Variants in TMEM131L observed in about 807,000 individuals in gnomAD.
The protein encoded by TMEM131L is transmembrane 131 like, also known as transmembrane protein 131-like.
In TMEM131L, 54 loss-of-function variants were observed where a neutral mutation model predicts 192.2. The observed-to-expected ratio is 0.28, with a 90% CI of 0.23 to 0.35. The LOEUF (loss-of-function observed/expected upper bound fraction) is 0.35. Among genes scored for constraint, TMEM131L ranks in the 10% least tolerant of loss-of-function variants. The pLI, the probability that TMEM131L is intolerant of heterozygous loss-of-function variation, is 1.00. For missense variants in TMEM131L, 1,888 were observed against 1,972.9 expected, an observed-to-expected ratio of 0.96 and a Z score of 0.82; for synonymous variants, 701 against 704.9, an observed-to-expected ratio of 0.99 and a Z score of 0.09.
At chr4:153,556,128 G>C (rs1407787547) in intron 5 of TMEM131L, among the ~76,000 whole-genome samples, 2 of 151,594 alleles carry the variant, frequency 1.3e-5, no homozygotes, top group Admixed American at 6.6e-5. Flanking sequence ...GGGGGAGGTG[G>C]GGGGTTGGGG....
intron 25 of TMEM131L, among the ~76,000 whole-genome samples, chr4:153,605,376 T>G (rs1421835194): frequency 6.6e-6 from 1 of 152,256 alleles, no homozygotes; most frequent in African/African-American, 2.4e-5. Context: ...AGATTTGTTT[T>G]ATTTTGTTTG....
intron 7 of TMEM131L, among the ~76,000 whole-genome samples, chr4:153,569,360 TG>T (rs765055864): frequency 6.6e-6 from 1 of 152,178 alleles, no homozygotes; most frequent in Non-Finnish European, 1.5e-5. Flanking sequence ...CTGTTGAGTT[TG>T]CCCCTAGACA....
intron 3 of TMEM131L, among the ~76,000 whole-genome samples, chr4:153,546,404 A>G (rs1737179009): frequency 6.6e-6 from 1 of 152,170 alleles, no homozygotes; most frequent in South Asian, 2.1e-4. Context: ...AGGGTGAAAT[A>G]TGAGAAGGGT....
Position 153,634,180 on chromosome 4 carries a change from T to C in TMEM131L, c.4329-12T>C, listed in dbSNP as rs1734411460. 1 of 1,612,520 alleles carries C rather than the reference T, an allele frequency of 6.2e-7. No individual in the cohort carries two copies. Among genetic ancestry groups the C allele is most frequent in the Non-Finnish European group, 8.5e-7 (1 of 1,178,494 alleles). On this transcript the variant is annotated splice_polypyrimidine_tract_variant and intron_variant, in intron 32 of 34. Coordinates refer to ENST00000409959, the MANE Select transcript of TMEM131L (RefSeq NM_001131007.2). Reference sequence around the variant, plus strand: ...TCCTGTTTCTGATTAGACCACTTGTTTTTTGTGGCAGTTTCATTGATTGGA... The same window carrying C: ...TCCTGTTTCTGATTAGACCACTTGTCTTTTGTGGCAGTTTCATTGATTGGA...
chr4:153,602,761 G>A (rs1157820779), intron 23 of TMEM131L, 34 bp downstream of exon 23: 1 of 1,587,242 alleles, frequency 6.3e-7, no homozygotes, highest in East Asian at 2.2e-5. Flanking sequence ...TTCTCTCACT[G>A]AGTAGAGAAG....
intron 3 of TMEM131L, among the ~76,000 whole-genome samples, chr4:153,541,846 T>C (rs1736804617): frequency 6.6e-6 from 1 of 152,192 alleles, no homozygotes; most frequent in African/African-American, 2.4e-5. Flanking sequence ...CCCCACCCCA[T>C]CACTTACCCT....
At chr4:153,499,725 C>G (rs1297949229) in intron 3 of TMEM131L, among the ~76,000 whole-genome samples, 1 of 152,158 alleles carries the variant, frequency 6.6e-6, no homozygotes, top group Admixed American at 6.5e-5. Flanking sequence ...GTGCCCAGCC[C>G]CTTATGACAT....
At chr4:153,480,477 G>A (rs777023334) in intron 3 of TMEM131L, among the ~76,000 whole-genome samples, 7 of 133,474 alleles carry the variant, frequency 5.2e-5, no homozygotes, top group African/African-American at 2.0e-4. Flanking sequence ...CTGAGATCGC[G>A]CAACTGCACT....
At chr4:153,560,959 AAAACT>A (rs1470168011) in intron 7 of TMEM131L, among the ~76,000 whole-genome samples, 3 of 152,226 alleles carry the variant, frequency 2.0e-5, no homozygotes, top group Non-Finnish European at 4.4e-5. Flanking sequence ...GAGGAACTGT[AAAACT>A]GTTTTCTAAA....
chr4:153,604,662 C>G (rs796429806), intron 25 of TMEM131L, among the ~76,000 whole-genome samples: 1 of 152,056 alleles, frequency 6.6e-6, no homozygotes, highest in African/African-American at 2.4e-5. Flanking sequence ...CTATGAATAT[C>G]ATATTTTCTT....
At chr4:153,566,934 G>A (rs954922696) in intron 7 of TMEM131L, among the ~76,000 whole-genome samples, 1 of 152,206 alleles carries the variant, frequency 6.6e-6, no homozygotes, top group South Asian at 2.1e-4. Context: ...TCAAACCCTC[G>A]TGCCCGCCTG....
rs200874155 is a variant in TMEM131L at position 153,497,878 on chromosome 4, CAAAAAAA to C, written c.239+24005_239+24011del. 2.0e-3 allele frequency among the ~76,000 whole-genome samples: 141 copies of C among 70,328 alleles called. 3 individuals are homozygous for C. The East Asian group carries it at 0.024, about 12-fold the overall frequency. The allele number at this position is 70,328 out of a possible 152,430, so 46.1% of individuals were successfully genotyped here. A position where few individuals can be genotyped will look rare whatever the true frequency, so the allele number is the denominator to read the frequency against. Reference sequence around the variant, plus strand: ...TTTTCTTTTTGTTATGAAAAATTTCCAAAAAAAAAAAAAAAAAAAAAGAAAAGTTGAG... The same window carrying C: ...TTTTCTTTTTGTTATGAAAAATTTCCAAAAAAAAAAAAAAGAAAAGTTGAG... On this transcript the variant is annotated intron_variant, in intron 3 of 34. Transcript: ENST00000409959.
At chr4:153,596,063 A>G (rs7690279) in intron 19 of TMEM131L, among the ~76,000 whole-genome samples, 195 bp from the exon 20 acceptor site, 41,550 of 152,088 alleles carry the variant, frequency 0.27, 6,042 homozygotes, top group Non-Finnish European at 0.34. Flanking sequence ...GTCTCTGCCT[A>G]TATTTCTTAG....
intron 3 of TMEM131L, among the ~76,000 whole-genome samples, chr4:153,510,026 C>G (rs551323639): frequency 4.5e-4 from 69 of 152,296 alleles, no homozygotes; most frequent in African/African-American, 1.5e-3. Flanking sequence ...AAAAGCCCAT[C>G]TGATCGAGTG....
At chr4:153,559,691 TG>T (rs1728721587) in intron 7 of TMEM131L, among the ~76,000 whole-genome samples, 1 of 152,162 alleles carries the variant, frequency 6.6e-6, no homozygotes, top group Non-Finnish European at 1.5e-5. Flanking sequence ...ATCTCTCTGA[TG>T]GCCAACTGAT....
intron 3 of TMEM131L, among the ~76,000 whole-genome samples, chr4:153,482,191 T>C (rs534347894): frequency 1.3e-5 from 2 of 152,288 alleles, no homozygotes; most frequent in African/African-American, 4.8e-5. Context: ...GTTTTTTTCT[T>C]AAAGAGGATG....
At chr4:153,536,632 TGTCA>T (rs1314716123) in intron 3 of TMEM131L, among the ~76,000 whole-genome samples, 2 of 152,208 alleles carry the variant, frequency 1.3e-5, no homozygotes, top group Admixed American at 1.3e-4. Context: ...AGGGGGTCTG[TGTCA>T]GTCAGATTCT....
intron 5 of TMEM131L, 119 bp from the exon 6 acceptor site, chr4:153,556,847 A>G: frequency 2.1e-6 from 1 of 476,562 alleles, no homozygotes; most frequent in Non-Finnish European, 3.6e-6. Flanking sequence ...CATAATACTG[A>G]TAAGGGTGCA....
At chr4:153,474,982 G>A (rs753481981) in intron 3 of TMEM131L, among the ~76,000 whole-genome samples, 1 of 148,740 alleles carries the variant, frequency 6.7e-6, no homozygotes, top group African/African-American at 2.6e-5. Flanking sequence ...CAAGGACTAC[G>A]CTTCCAGACC....
Sources: allele counts gnomAD v4.1 joint callset (sites outside exome capture counted in the v4.1 genomes callset), GRCh38; gene constraint gnomAD v4.1.1; transcripts MANE v1.5; gene names NCBI Gene and HGNC (gene_info 2026-07-23, HGNC 2026-07-21).